SDK1: variants seen among roughly 807,000 people sequenced by gnomAD.
SDK1 encodes the protein protein sidekick-1.
A neutral mutation model predicts 245.5 loss-of-function variants in SDK1; 157 were observed. The observed-to-expected ratio is 0.64, with a 90% CI of 0.56 to 0.73. The LOEUF (loss-of-function observed/expected upper bound fraction) is 0.73. Ranked by LOEUF, SDK1 falls within the 30% of genes least tolerant of loss-of-function variation. SDK1 has a pLI of 0.00. For missense variants in SDK1, 3,583 were observed against 3,002.3 expected, an observed-to-expected ratio of 1.19 and a Z score of -4.52; for synonymous variants, 1,647 against 1,278.5, an observed-to-expected ratio of 1.29 and a Z score of -6.15.
chr7:4,128,112 C>T (rs893024812), intron 26 of SDK1, among the ~76,000 whole-genome samples: 8 of 152,160 alleles, frequency 5.3e-5, no homozygotes, highest in Admixed American at 1.3e-4. Context: ...TCACTCGGGG[C>T]GACAGGCTCT....
At chr7:3,515,090 G>C (rs1033549009) in intron 1 of SDK1, among the ~76,000 whole-genome samples, 5 of 152,098 alleles carry the variant, frequency 3.3e-5, no homozygotes, top group Admixed American at 6.5e-5. Flanking sequence ...AGAAGGAGCA[G>C]GTGAGAGAAG....
rs186068949 is a variant in SDK1 at position 4,123,984 on chromosome 7, C to T, written c.3824-3397C>T. ...GGTTCCTCTGTGGTTTCAGAGACCCCACAGGGTGTGGTGAGGGTTGCGGTG... is the reference window on the plus strand; with the variant it reads ...GGTTCCTCTGTGGTTTCAGAGACCCTACAGGGTGTGGTGAGGGTTGCGGTG... On this transcript the variant is annotated intron_variant, in intron 25 of 44. Transcript: ENST00000404826. 5.6e-4 allele frequency among the ~76,000 whole-genome samples: 86 copies of T among 152,318 alleles called. 1 individual carries two copies. The highest frequency in any genetic ancestry group is 5.6e-3 in the Admixed American group (85 of 15,312).
rs1780367041 is a variant in SDK1 at position 3,447,233 on chromosome 7, A to G, written c.298+145349A>G. Among the ~76,000 whole-genome samples the G allele has an allele frequency of 2.0e-5, 3 of 152,308 alleles. No homozygotes were observed. The South Asian group carries it at 6.2e-4, about 32-fold the overall frequency. ...CAATATTTTACTTAATATTTTCTTA[A>G]GTTACAAAAGTAAAATAACTTAATA... On this transcript the variant is annotated intron_variant, in intron 1 of 44. Transcript: ENST00000404826.
rs866849796 is a variant in SDK1 at position 4,113,553 on chromosome 7, A to T, written c.3585+114A>T. On this transcript the variant is annotated intron_variant, in intron 24 of 44. Coordinates refer to ENST00000404826, the MANE Select transcript of SDK1 (RefSeq NM_152744.4). ...TCACGCCTTTGTCCTAGTCAAAACTAATCTCATCGTCAAACCAAAAAGTAT... is the reference window on the plus strand; with the variant it reads ...TCACGCCTTTGTCCTAGTCAAAACTTATCTCATCGTCAAACCAAAAAGTAT... 6 of 1,266,842 alleles carry T rather than the reference A, an allele frequency of 4.7e-6. No individual in the cohort carries two copies. In the African/African-American group the frequency reaches 7.5e-5, roughly 16 times the overall value. 78.5% of individuals were successfully genotyped at this position (1,266,842 alleles called of 1,614,324 possible). A position where few individuals can be genotyped will look rare whatever the true frequency, so the allele number is the denominator to read the frequency against.
chr7:3,788,795 G>T (rs1780990012), intron 4 of SDK1, among the ~76,000 whole-genome samples: 1 of 152,174 alleles, frequency 6.6e-6, no homozygotes, highest in Admixed American at 6.5e-5. Flanking sequence ...CTACCCAAAG[G>T]TCCCTCAAAA....
At chr7:4,005,355 G>C (rs1785390405) in intron 14 of SDK1, among the ~76,000 whole-genome samples, 2 of 150,812 alleles carry the variant, frequency 1.3e-5, no homozygotes, top group Admixed American at 6.6e-5. Context: ...CTGGATTTGA[G>C]CTGCCTTCCG....
chr7:3,383,760 G>T (rs1007555099), intron 1 of SDK1, among the ~76,000 whole-genome samples: 3 of 152,176 alleles, frequency 2.0e-5, no homozygotes, highest in Non-Finnish European at 4.4e-5. Context: ...CATCTTTGAT[G>T]CATAGAGCCT....
rs1788506374 is a variant in SDK1, at chr7:4,266,907, G to C, written c.*1523G>C. ...CAAACGGGCAGGTGCCGTTCCCCCA[G>C]TGACCTGAGGGTAGGGGACAACTGA... On this transcript the variant is annotated 3_prime_UTR_variant, in exon 45 of 45. Coordinates refer to ENST00000404826, the MANE Select transcript of SDK1 (RefSeq NM_152744.4). 2.0e-6 allele frequency: 2 copies of C among 985,530 alleles called. No homozygotes were observed. The highest frequency in any genetic ancestry group is 3.5e-5 in the African/African-American group (2 of 57,372). 61.0% of individuals were successfully genotyped at this position (985,530 alleles called of 1,614,324 possible). A position where few individuals can be genotyped will look rare whatever the true frequency, so the allele number is the denominator to read the frequency against.
intron 4 of SDK1, among the ~76,000 whole-genome samples, chr7:3,762,780 G>C (rs1271672558): frequency 6.6e-6 from 1 of 152,176 alleles, no homozygotes; most frequent in Non-Finnish European, 1.5e-5. Flanking sequence ...TTTACTAATA[G>C]TTTTTAAAAA....
At chr7:3,941,514 A>G (rs779871803) in intron 5 of SDK1, among the ~76,000 whole-genome samples, 1 of 151,930 alleles carries the variant, frequency 6.6e-6, no homozygotes. Flanking sequence ...AATGGGCCAA[A>G]CGGGTTCCCT....
chr7:3,676,790 C>G (rs1783917643), intron 4 of SDK1, among the ~76,000 whole-genome samples: 1 of 152,150 alleles, frequency 6.6e-6, no homozygotes, highest in Non-Finnish European at 1.5e-5. Flanking sequence ...TACTCCATTG[C>G]TTATTTTTGT....
At chr7:3,996,703 A>G (rs1334168970) in intron 14 of SDK1, among the ~76,000 whole-genome samples, 1 of 152,190 alleles carries the variant, frequency 6.6e-6, no homozygotes, top group Non-Finnish European at 1.5e-5. Flanking sequence ...CCATTCAGCC[A>G]TATTCCATAT....
intron 1 of SDK1, among the ~76,000 whole-genome samples, chr7:3,397,034 T>C (rs536264023): frequency 3.3e-5 from 5 of 151,948 alleles, no homozygotes; most frequent in African/African-American, 4.8e-5. Flanking sequence ...ACTTTCTTAG[T>C]GGTTATCCTG....
At chr7:3,546,280 A>G (rs1186114830) in intron 1 of SDK1, among the ~76,000 whole-genome samples, 2 of 152,284 alleles carry the variant, frequency 1.3e-5, no homozygotes, top group African/African-American at 4.8e-5. Flanking sequence ...GGAAACAGAA[A>G]AGCATGGGTG....
intron 5 of SDK1, among the ~76,000 whole-genome samples, chr7:3,868,166 A>G (rs1780867577): frequency 3.3e-5 from 5 of 152,250 alleles, no homozygotes; most frequent in Admixed American, 3.3e-4. Context: ...CAAATTGGGA[A>G]GAAATATAAT....
chr7:3,880,729 T>G (rs1474590207), intron 5 of SDK1, among the ~76,000 whole-genome samples: 3 of 152,022 alleles, frequency 2.0e-5, no homozygotes, highest in African/African-American at 7.2e-5. Context: ...GACCCAGCCT[T>G]CACTTCACTG....
In SDK1 at chr7:4,051,878, G is replaced by A. The variant is rs562331456; in HGVS notation, c.2911+48G>A. The A allele has an allele frequency of 7.9e-6, 12 of 1,515,702 alleles. No individual in the cohort carries two copies. In the East Asian group the frequency reaches 1.9e-4, roughly 23 times the overall value. 93.9% of individuals were successfully genotyped at this position (1,515,702 alleles called of 1,614,324 possible). A position where few individuals can be genotyped will look rare whatever the true frequency, so the allele number is the denominator to read the frequency against. On this transcript the variant is annotated intron_variant, in intron 19 of 44. Coordinates refer to ENST00000404826, the MANE Select transcript of SDK1 (RefSeq NM_152744.4). ...CTCTTAAGTCACTTGTCAAAGAGGT[G>A]TATACCGCTGCAACTTCCAGAATCA...
chr7:3,387,589 C>G (rs983563143), intron 1 of SDK1, among the ~76,000 whole-genome samples: 5 of 152,062 alleles, frequency 3.3e-5, no homozygotes, highest in Non-Finnish European at 5.9e-5. Context: ...AATGGTAATT[C>G]CCATTGCATT....
At chr7:4,255,599 G>C (rs1456364232) in intron 44 of SDK1, among the ~76,000 whole-genome samples, 1 of 152,176 alleles carries the variant, frequency 6.6e-6, no homozygotes, top group Non-Finnish European at 1.5e-5. Context: ...CGGGACAGGA[G>C]CCCCAGTACT....
Sources: gnomAD v4.1 joint callset for allele counts (sites outside exome capture counted in the v4.1 genomes callset) on GRCh38, gnomAD v4.1.1 for gene constraint, MANE v1.5 for transcripts, NCBI Gene and HGNC (gene_info 2026-07-23, HGNC 2026-07-21) for gene names.